HMGCLL1: variants seen among roughly 807,000 people sequenced by gnomAD.
The protein encoded by HMGCLL1 is 3-hydroxymethyl-3-methylglutaryl-CoA lyase, cytoplasmic.
A neutral mutation model predicts 39.1 loss-of-function variants in HMGCLL1; 36 were observed. The ratio of observed to expected loss-of-function variants is 0.92; its 90% CI spans 0.71 to 1.22. The LOEUF (loss-of-function observed/expected upper bound fraction) is 1.22, where lower values mean the gene tolerates loss of function less well. Among genes scored for constraint, HMGCLL1 ranks in the 50% most tolerant of loss-of-function variants. The pLI is 0.00. For synonymous variants in HMGCLL1, 149 were observed against 144.0 expected, an observed-to-expected ratio of 1.03 and a Z score of -0.25; for missense variants, 451 against 416.5, an observed-to-expected ratio of 1.08 and a Z score of -0.72.
intron 7 of HMGCLL1, among the ~76,000 whole-genome samples, chr6:55,493,410 C>G (rs1410624412): frequency 6.6e-6 from 1 of 152,132 alleles, no homozygotes; most frequent in Admixed American, 6.6e-5. Flanking sequence ...TGTTCCTTAT[C>G]TTGCTTCGGC....
At chr6:55,453,155 G>T (rs760301945) in intron 7 of HMGCLL1, among the ~76,000 whole-genome samples, 1 of 151,064 alleles carries the variant, frequency 6.6e-6, no homozygotes, top group Non-Finnish European at 1.5e-5. Flanking sequence ...TAAGAAGTTT[G>T]TTGTTGTTGT....
the HMGCLL1 span, among the ~76,000 whole-genome samples, chr6:55,672,727 A>G: frequency 0.014 from 2,155 of 152,038 alleles, 44 homozygotes; most frequent in African/African-American, 0.049. Flanking sequence ...TGTAATTGCA[A>G]AATACTATAA....
chr6:55,492,252 G>A (rs920895064), intron 7 of HMGCLL1, among the ~76,000 whole-genome samples: 5 of 152,138 alleles, frequency 3.3e-5, no homozygotes, highest in African/African-American at 1.2e-4. Flanking sequence ...AGCAAAGGTT[G>A]GCCCTGTTCA....
chr6:55,519,841 A>T (rs1251953674), intron 3 of HMGCLL1, among the ~76,000 whole-genome samples: 1 of 152,118 alleles, frequency 6.6e-6, no homozygotes, highest in Non-Finnish European at 1.5e-5. Flanking sequence ...AATAATGGGC[A>T]AATAAACAAA....
intron 6 of HMGCLL1, among the ~76,000 whole-genome samples, chr6:55,497,172 T>C (rs1236000265): frequency 1.3e-5 from 2 of 151,902 alleles, no homozygotes; most frequent in Admixed American, 1.3e-4. Flanking sequence ...ATCAGAGAGG[T>C]CTGAATTTAA....
intron 5 of HMGCLL1, among the ~76,000 whole-genome samples, chr6:55,502,342 T>G (rs1368810795): frequency 6.6e-6 from 1 of 151,774 alleles, no homozygotes; most frequent in Admixed American, 6.6e-5. Flanking sequence ...ATTAGCTATC[T>G]CAGGATCTGC....
the HMGCLL1 span, among the ~76,000 whole-genome samples, chr6:55,628,206 C>T: frequency 2.4e-3 from 161 of 67,420 alleles, 1 homozygote; most frequent in African/African-American, 8.6e-3. Context: ...ATAGTATATC[C>T]TATCAGTTCT....
chr6:55,617,253 T>C, the HMGCLL1 span, among the ~76,000 whole-genome samples: 1 of 152,240 alleles, frequency 6.6e-6, no homozygotes, highest in East Asian at 1.9e-4. Context: ...CCTGGACATA[T>C]CTTTGTGATG....
chr6:55,625,866 G>A, the HMGCLL1 span, among the ~76,000 whole-genome samples: 5 of 152,286 alleles, frequency 3.3e-5, no homozygotes, highest in East Asian at 1.9e-4. Context: ...GGTGACATTA[G>A]CGAAGGAAGA....
chr6:55,444,976 C>G (rs1214075244), intron 7 of HMGCLL1, among the ~76,000 whole-genome samples: 1 of 151,982 alleles, frequency 6.6e-6, no homozygotes, highest in Non-Finnish European at 1.5e-5. Context: ...GCTCTAGACA[C>G]AGATTCTCTT....
At chr6:55,534,122 A>C (rs1581910819) in intron 3 of HMGCLL1, among the ~76,000 whole-genome samples, 1 of 152,264 alleles carries the variant, frequency 6.6e-6, no homozygotes, top group Admixed American at 6.5e-5. Flanking sequence ...GAGTGAGGTA[A>C]GTATTGTAGC....
chr6:55,648,223 T>C, the HMGCLL1 span, among the ~76,000 whole-genome samples: 2 of 149,982 alleles, frequency 1.3e-5, no homozygotes, highest in African/African-American at 2.5e-5. Context: ...AGTGCCGCAA[T>C]AAACATACGT....
upstream of HMGCLL1, among the ~76,000 whole-genome samples, chr6:55,582,005 A>G (rs1581975421): frequency 6.6e-5 from 10 of 152,266 alleles, no homozygotes; most frequent in South Asian, 2.1e-3. Context: ...TCAACAAGTG[A>G]TTTGAGTTAA....
the HMGCLL1 span, among the ~76,000 whole-genome samples, chr6:55,605,412 G>A: frequency 7.2e-6 from 1 of 139,346 alleles, no homozygotes; most frequent in South Asian, 2.3e-4. Flanking sequence ...ACTCAACCTA[G>A]AATGATATTT....
intron 1 of HMGCLL1, among the ~76,000 whole-genome samples, chr6:55,557,192 C>T (rs1372302759): frequency 1.3e-5 from 2 of 152,122 alleles, no homozygotes; most frequent in African/African-American, 2.4e-5. Flanking sequence ...TAGTCTTACA[C>T]GAAGATTTAT....
intron 3 of HMGCLL1, among the ~76,000 whole-genome samples, chr6:55,532,804 CATAATAATAATAATAATAATAATA>C (rs201080387): frequency 2.8e-5 from 2 of 71,562 alleles, no homozygotes; most frequent in Admixed American, 1.6e-4. Flanking sequence ...CTGTCTCAAA[CATAATAATAATAATAATAATAATA>C]ATAATAATAA....
chr6:55,492,248 G>C (rs1203711877), intron 7 of HMGCLL1, among the ~76,000 whole-genome samples: 2 of 152,122 alleles, frequency 1.3e-5, no homozygotes, highest in African/African-American at 4.8e-5. Context: ...CTGAAGCAAA[G>C]GTTGGCCCTG....
chr6:55,677,704 A>G, the HMGCLL1 span, among the ~76,000 whole-genome samples: 2,168 of 152,288 alleles, frequency 0.014, 56 homozygotes, highest in African/African-American at 0.05. Context: ...TATTTTGCTA[A>G]ATAACTTAAT....
At chr6:55,578,192 T>C (rs370010048) in intron 1 of HMGCLL1, among the ~76,000 whole-genome samples, 23 of 152,312 alleles carry the variant, frequency 1.5e-4, no homozygotes, top group African/African-American at 5.5e-4. Context: ...CTTTATTCCA[T>C]GTTTCAACAT....
Sources: gnomAD v4.1 joint callset for allele counts (sites outside exome capture counted in the v4.1 genomes callset) on GRCh38, gnomAD v4.1.1 for gene constraint, MANE v1.5 for transcripts, NCBI Gene and HGNC (gene_info 2026-07-23, HGNC 2026-07-21) for gene names.